Variants in MAP3K19 observed in about 807,000 individuals in gnomAD.
MAP3K19 encodes the protein SPS1/STE20-related protein kinase YSK4.
Under a neutral mutation model 114.4 loss-of-function variants are expected in MAP3K19, and 91 were observed. That is an observed-to-expected ratio of 0.80 (90% CI 0.67 to 0.95). The LOEUF (loss-of-function observed/expected upper bound fraction) is 0.95. Among genes scored for constraint, MAP3K19 ranks in the 40% least tolerant of loss-of-function variants. MAP3K19 has a pLI of 0.00. For missense variants in MAP3K19, 1,471 were observed against 1,573.2 expected (o/e 0.94, Z 1.10); for synonymous variants, 518 against 530.5 (o/e 0.98, Z 0.32).
intron 6 of MAP3K19, among the ~76,000 whole-genome samples, chr2:135,004,881 G>A (rs988436208): frequency 6.6e-6 from 1 of 152,148 alleles, no homozygotes; most frequent in East Asian, 1.9e-4. Flanking sequence ...TGTGGTTCCG[G>A]AAGGGAACCG....
intron 9 of MAP3K19, among the ~76,000 whole-genome samples, chr2:134,990,875 T>G (rs376414041): frequency 6.6e-6 from 1 of 152,224 alleles, no homozygotes; most frequent in East Asian, 1.9e-4. Context: ...CAACTGTTTA[T>G]GTTATCTATA....
Position 134,964,894 on chromosome 2 carries a change from CAGA to C in MAP3K19, c.3940_3942del (p.Ser1314del). 1 of 1,612,830 alleles carries C rather than the reference CAGA, an allele frequency of 6.2e-7. No individual in the cohort carries two copies. Among genetic ancestry groups the C allele is most frequent in the Non-Finnish European group, 8.5e-7 (1 of 1,179,252 alleles). On this transcript the variant is annotated inframe_deletion, in exon 13 of 13. Transcript: ENST00000392915. ...AAGGAGTGCTTCAGGAGCTGGAGAGCAGAAGGTCGCTCATGCTGGTCCCTAAGA... is the reference window on the plus strand; with the variant it reads ...AAGGAGTGCTTCAGGAGCTGGAGAGCAGGTCGCTCATGCTGGTCCCTAAGA...
intron 12 of MAP3K19, among the ~76,000 whole-genome samples, chr2:134,980,167 T>A (rs1021207256): frequency 2.0e-5 from 3 of 152,312 alleles, no homozygotes; most frequent in African/African-American, 7.2e-5. Flanking sequence ...CCCCGCCCCA[T>A]GGATACACAC....
intron 12 of MAP3K19, among the ~76,000 whole-genome samples, chr2:134,965,775 A>G (rs572812456): frequency 6.6e-6 from 1 of 152,332 alleles, no homozygotes; most frequent in East Asian, 1.9e-4. Flanking sequence ...AATACAGAAT[A>G]CATTGTTGTT....
intron 12 of MAP3K19, among the ~76,000 whole-genome samples, chr2:134,967,447 T>C (rs1354738744): frequency 1.3e-5 from 2 of 152,198 alleles, no homozygotes; most frequent in African/African-American, 4.8e-5. Context: ...AATGTATCGG[T>C]ATAAAACCTG....
intron 12 of MAP3K19, among the ~76,000 whole-genome samples, chr2:134,977,185 C>T (rs1166258648): frequency 7.1e-6 from 1 of 141,688 alleles, no homozygotes; most frequent in Non-Finnish European, 1.5e-5. Flanking sequence ...CCCCCACCCA[C>T]TTTTTTTTTT....
chr2:134,980,844 G>A lies in MAP3K19; in HGVS notation c.3897C>T (p.Asp1299=). 2 of 1,613,874 alleles carry A rather than the reference G, an allele frequency of 1.2e-6. No individual in the cohort carries two copies. Among genetic ancestry groups the A allele is most frequent in the South Asian group, 1.1e-5 (1 of 91,078 alleles). The change falls in exon 12 of 13, where the codon GAC becomes GAT. Residue 1299 remains aspartate (D), a synonymous_variant. Transcript: ENST00000392915. The stretch of plus-strand genomic sequence containing the variant: ...ACCTGGTCAGGCACATGCGCACAAA[G>A]TCTGCTGCATTTTCTGAGAAGTGGT... ...LPDHFSENAA[D]FVRMCLTRDQ...
chr2:135,003,849 C>A (rs960875425), intron 6 of MAP3K19, among the ~76,000 whole-genome samples: 1 of 152,158 alleles, frequency 6.6e-6, no homozygotes, highest in African/African-American at 2.4e-5. Context: ...CCACAGTGCC[C>A]GGTCCATTTA....
chr2:135,014,214 C>G (rs1377277781), intron 5 of MAP3K19, among the ~76,000 whole-genome samples: 3 of 152,008 alleles, frequency 2.0e-5, no homozygotes, highest in South Asian at 2.1e-4. Context: ...ATTAGCGGAG[C>G]CTGGTGGAGC....
chr2:134,976,028 G>T (rs764853038), intron 12 of MAP3K19, among the ~76,000 whole-genome samples: 1 of 152,180 alleles, frequency 6.6e-6, no homozygotes, highest in Admixed American at 6.5e-5. Flanking sequence ...TGTTGTTTCT[G>T]GGGTGCAGGA....
At chr2:135,010,276 G>A (rs1188225921) in intron 5 of MAP3K19, among the ~76,000 whole-genome samples, 8 of 152,164 alleles carry the variant, frequency 5.3e-5, no homozygotes, top group African/African-American at 1.9e-4. Context: ...CAATCAAAAA[G>A]GATGTAGGGA....
chr2:134,994,126 A>T (rs1337500161), intron 8 of MAP3K19, among the ~76,000 whole-genome samples: 2 of 152,268 alleles, frequency 1.3e-5, no homozygotes, highest in East Asian at 3.8e-4. Flanking sequence ...TAAAAGAATT[A>T]AAAAACATGT....
intron 12 of MAP3K19, among the ~76,000 whole-genome samples, chr2:134,970,766 T>C (rs1421410660): frequency 6.6e-6 from 1 of 151,894 alleles, no homozygotes; most frequent in African/African-American, 2.4e-5. Context: ...CCTGGCTAAT[T>C]TTTTGTATTT....
At chr2:134,965,449 T>C (rs1020475911) in intron 12 of MAP3K19, among the ~76,000 whole-genome samples, 5 of 152,238 alleles carry the variant, frequency 3.3e-5, no homozygotes. Flanking sequence ...TCAGTACTAT[T>C]GTGGCATAGT....
chr2:135,030,985 A>T (rs894312131), intron 2 of MAP3K19, among the ~76,000 whole-genome samples: 2 of 152,194 alleles, frequency 1.3e-5, no homozygotes, highest in African/African-American at 4.8e-5. Flanking sequence ...GAATGTCACA[A>T]GTATTTCTGC....
intron 5 of MAP3K19, among the ~76,000 whole-genome samples, chr2:135,006,747 C>T (rs1241984430): frequency 3.3e-5 from 5 of 151,266 alleles, no homozygotes; most frequent in Admixed American, 3.3e-4. Context: ...GAGGTCAAGG[C>T]TATGGTGAGC....
At chr2:135,043,489 T>C (rs771652327) in intron 1 of MAP3K19, among the ~76,000 whole-genome samples, 3 of 152,226 alleles carry the variant, frequency 2.0e-5, no homozygotes, top group African/African-American at 7.2e-5. Flanking sequence ...AAGTTTTTTA[T>C]GCAAAATTGG....
chr2:134,986,316 T>C lies in MAP3K19; in HGVS notation c.2556A>G (p.Ser852=). Residue 852 remains serine (S), a synonymous_variant, in exon 10 of 13, where the codon TCA becomes TCG. Transcript: ENST00000392915. The part of the protein sequence containing the change: ...ELHHQIPFIP[S]EDSWAVPSEK... ...CACTGGGCACTGCCCAGCTGTCTTCTGAAGGGATAAATGGGATCTGGTGAT... is the reference window on the plus strand; with the variant it reads ...CACTGGGCACTGCCCAGCTGTCTTCCGAAGGGATAAATGGGATCTGGTGAT... 6.2e-7 allele frequency: 1 copy of C among 1,613,944 alleles called. No homozygotes were observed. Among genetic ancestry groups the C allele is most frequent in the African/African-American group, 1.3e-5 (1 of 75,076 alleles).
At chr2:135,045,506 C>T (rs946282806) in intron 1 of MAP3K19, among the ~76,000 whole-genome samples, 1 of 152,158 alleles carries the variant, frequency 6.6e-6, no homozygotes, top group African/African-American at 2.4e-5. Flanking sequence ...TAAAACTTGT[C>T]TTTCAATAAA....
Sources: gnomAD v4.1 joint callset for allele counts (sites outside exome capture counted in the v4.1 genomes callset) on GRCh38, gnomAD v4.1.1 for gene constraint, MANE v1.5 for transcripts, NCBI Gene and HGNC (gene_info 2026-07-23, HGNC 2026-07-21) for gene names.